Variants in PALMD observed in about 807,000 individuals in gnomAD.
The protein encoded by PALMD is palmdelphin.
In PALMD, 42 loss-of-function variants were observed where a neutral mutation model predicts 56.2. The observed-to-expected ratio is 0.75, with a 90% CI of 0.58 to 0.97. The LOEUF is 0.97. PALMD is among the 50% of genes least tolerant of loss of function. The pLI is 0.00. For missense variants in PALMD, 660 were observed against 643.8 expected (o/e 1.03, Z -0.27); for synonymous variants, 242 against 222.9 (o/e 1.09, Z -0.76).
In PALMD at chr1:99,682,664, G is replaced by C. The variant is rs1653368961; in HGVS notation, c.252-4012G>C. ...TCCCTAAGGTGTCATTGGCCAAGCA[G>C]ACCAGGAGCTTTGTCTCTATGCCCC... On this transcript the variant is annotated intron_variant, in intron 3 of 7. Transcript: ENST00000263174. 2.0e-5 allele frequency among the ~76,000 whole-genome samples: 3 copies of C among 151,918 alleles called. No homozygotes were observed. The South Asian group carries it at 6.2e-4, about 32-fold the overall frequency.
At chr1:99,648,559 T>C (rs887375073) in intron 1 of PALMD, among the ~76,000 whole-genome samples, 1 of 152,138 alleles carries the variant, frequency 6.6e-6, no homozygotes, top group Non-Finnish European at 1.5e-5. Context: ...TTCCTAGTAC[T>C]TACCTACACT....
In PALMD at chr1:99,683,050, AAGAAAGAGAGAGAGAGAG is replaced by A. The variant is rs1557673797; in HGVS notation, c.252-3622_252-3605del. 1.1e-3 allele frequency among the ~76,000 whole-genome samples: 17 copies of A among 15,396 alleles called. 1 individual carries two copies. The highest frequency in any genetic ancestry group is 9.6e-3 in the African/African-American group (17 of 1,780). The allele number at this position is 15,396 out of a possible 152,430, so 10.1% of individuals were successfully genotyped here. ...AAAGAAAGAAAGAAAGAAAGAAAGA[AAGAAAGAGAGAGAGAGAG>A]AGAGAGAGAGAGAGAGAGAGAGAAA... On this transcript the variant is annotated intron_variant, in intron 3 of 7. Coordinates refer to ENST00000263174, the MANE Select transcript of PALMD (RefSeq NM_017734.5).
intron 1 of PALMD, among the ~76,000 whole-genome samples, chr1:99,658,622 T>G (rs1317332061): frequency 6.6e-6 from 1 of 151,680 alleles, no homozygotes; most frequent in Non-Finnish European, 1.5e-5. Context: ...ATACAAAAAA[T>G]TAACCGCGTG....
At chr1:99,652,688 AGG>A (rs1491366489) in intron 1 of PALMD, among the ~76,000 whole-genome samples, 1,085 of 92,040 alleles carry the variant, frequency 0.012, 7 homozygotes, top group African/African-American at 0.038. Context: ...AGGAAAGGAA[AGG>A]AAAGGAAAAG....
chr1:99,654,384 G>A (rs1435561045), intron 1 of PALMD, among the ~76,000 whole-genome samples: 2 of 152,076 alleles, frequency 1.3e-5, no homozygotes, highest in African/African-American at 2.4e-5. Flanking sequence ...TAGTAAGGAA[G>A]TATGCCAGAT....
intron 1 of PALMD, among the ~76,000 whole-genome samples, chr1:99,660,125 A>AG (rs1347453839): frequency 2.4e-4 from 36 of 152,368 alleles, no homozygotes; most frequent in African/African-American, 7.9e-4. Context: ...ACCAGCATCT[A>AG]GGGAGCTAAA....
At chr1:99,692,056 C>T (rs746621728) in intron 7 of PALMD, among the ~76,000 whole-genome samples, 1 of 152,140 alleles carries the variant, frequency 6.6e-6, no homozygotes, top group African/African-American at 2.4e-5. Flanking sequence ...GTAAATATAA[C>T]ATATTCATAG....
Position 99,689,077 on chromosome 1 carries a change from CAG to C in PALMD, c.823_824del (p.Glu275AsnfsTer15), listed in dbSNP as rs1653594971. 1 of 1,613,520 alleles carries C rather than the reference CAG, an allele frequency of 6.2e-7. No homozygotes were observed. Among genetic ancestry groups the C allele is most frequent in the Non-Finnish European group, 8.5e-7 (1 of 1,179,728 alleles). Reference protein sequence around the residue: ...ANPFYRPTTPQRETVTPGPNF... With the variant: ...ANPFYRPTTPXRETVTPGPNF... ...TCCCTTTTACAGGCCTACAACCCCA[CAG>C]AGAGAAACGGTGACCCCTGGACCAA... On this transcript the variant is annotated frameshift_variant, in exon 7 of 8. Coordinates refer to ENST00000263174, the MANE Select transcript of PALMD (RefSeq NM_017734.5). LOFTEE classifies it high-confidence loss of function.
chr1:99,675,497 A>G (rs1386777058), intron 3 of PALMD, among the ~76,000 whole-genome samples: 2 of 152,184 alleles, frequency 1.3e-5, no homozygotes, highest in Non-Finnish European at 2.9e-5. Flanking sequence ...AACTCATGAC[A>G]GCTGGGTACA....
intron 1 of PALMD, among the ~76,000 whole-genome samples, chr1:99,650,285 G>GGA (rs1652536591): frequency 8.5e-6 from 1 of 116,970 alleles, no homozygotes; most frequent in Non-Finnish European, 1.7e-5. Flanking sequence ...TGCTCATAAT[G>GGA]AAAAAAAAAA....
At chr1:99,678,366 A>G (rs866877258) in intron 3 of PALMD, among the ~76,000 whole-genome samples, 1 of 152,094 alleles carries the variant, frequency 6.6e-6, no homozygotes, top group Middle Eastern at 3.4e-3. Context: ...CAGCCTCCCA[A>G]AGTGCTGGGA....
At chr1:99,667,040 G>A (rs893626980) in intron 2 of PALMD, among the ~76,000 whole-genome samples, 1 of 152,194 alleles carries the variant, frequency 6.6e-6, no homozygotes, top group Non-Finnish European at 1.5e-5. Flanking sequence ...AAGAAGGGGA[G>A]CTAAGTAGGC....
chr1:99,660,798 A>C (rs1306191589), intron 1 of PALMD, among the ~76,000 whole-genome samples: 1 of 152,186 alleles, frequency 6.6e-6, no homozygotes, highest in Non-Finnish European at 1.5e-5. Context: ...AGGCAGGAGG[A>C]TTGTTTGAGC....
chr1:99,662,783 G>T (rs952598566), intron 2 of PALMD, among the ~76,000 whole-genome samples: 1 of 152,200 alleles, frequency 6.6e-6, no homozygotes, highest in Non-Finnish European at 1.5e-5. Flanking sequence ...TCCCCCGGGG[G>T]TGCAGAACAG....
intron 1 of PALMD, among the ~76,000 whole-genome samples, chr1:99,648,996 A>T (rs1652508091): frequency 6.6e-6 from 1 of 152,106 alleles, no homozygotes; most frequent in Non-Finnish European, 1.5e-5. Flanking sequence ...TTCTCATATC[A>T]GATCAGTAAA....
chr1:99,676,717 A>G (rs1384111868), intron 3 of PALMD, among the ~76,000 whole-genome samples: 2 of 152,202 alleles, frequency 1.3e-5, no homozygotes, highest in Non-Finnish European at 2.9e-5. Flanking sequence ...TGCCTGACAT[A>G]TAATAGGTCC....
At chr1:99,693,681 T>G (rs1320205619) in intron 7 of PALMD, among the ~76,000 whole-genome samples, 2 of 152,190 alleles carry the variant, frequency 1.3e-5, no homozygotes, top group African/African-American at 4.8e-5. Flanking sequence ...AACTCAGAAA[T>G]GTATGTAAAA....
At chr1:99,651,205 A>C (rs904698639) in intron 1 of PALMD, among the ~76,000 whole-genome samples, 5 of 152,244 alleles carry the variant, frequency 3.3e-5, no homozygotes, top group Non-Finnish European at 7.3e-5. Context: ...AGAGAGGGAA[A>C]GGTTTCTTCA....
chr1:99,688,975 G>C lies in PALMD; in HGVS notation c.715G>C (p.Val239Leu). The change falls in exon 7 of 8, where the codon GTA (valine) becomes CTA (leucine). Residue 239 changes from valine to leucine, a missense_variant. By Grantham distance (32) the Val-to-Leu change is conservative. Coordinates refer to ENST00000263174, the MANE Select transcript of PALMD (RefSeq NM_017734.5). ...NGTDGLAPVE[V>L]EELLRQASER... ...CACCGATGGCCTGGCACCAGTTGAA[G>C]TAGAGGAACTTCTAAGACAAGCCTC... 5 of 1,613,734 alleles carry C rather than the reference G, an allele frequency of 3.1e-6. No homozygotes were observed. The highest frequency in any genetic ancestry group is 4.2e-6 in the Non-Finnish European group (5 of 1,179,760).
Sources: allele counts gnomAD v4.1 joint callset (sites outside exome capture counted in the v4.1 genomes callset), GRCh38; gene constraint gnomAD v4.1.1; transcripts MANE v1.5; gene names NCBI Gene and HGNC (gene_info 2026-07-23, HGNC 2026-07-21).